Variants in TBC1D8 observed in about 807,000 individuals in gnomAD.
The protein encoded by TBC1D8 is BUB2-like protein 1.
Under a neutral mutation model 118.8 loss-of-function variants are expected in TBC1D8, and 65 were observed. That is an observed-to-expected ratio of 0.55 (90% CI 0.45 to 0.67). The LOEUF (loss-of-function observed/expected upper bound fraction) is 0.67, where lower values mean the gene tolerates loss of function less well. TBC1D8 is among the 30% of genes least tolerant of loss of function. TBC1D8 has a pLI of 0.00. For synonymous variants in TBC1D8, 566 were observed against 595.8 expected (o/e 0.95, Z 0.73); for missense variants, 1,376 against 1,471.2 (o/e 0.94, Z 1.06).
intron 1 of TBC1D8, among the ~76,000 whole-genome samples, chr2:101,101,270 T>C (rs1676811936): frequency 6.6e-6 from 1 of 152,200 alleles, no homozygotes; most frequent in Non-Finnish European, 1.5e-5. Flanking sequence ...AGAAGATATT[T>C]ACGCAGCCAA....
At chr2:101,024,969 A>C (rs1400622277) in intron 15 of TBC1D8, among the ~76,000 whole-genome samples, 1 of 152,194 alleles carries the variant, frequency 6.6e-6, no homozygotes, top group Non-Finnish European at 1.5e-5. Flanking sequence ...GTATGAGAAA[A>C]GATCTATAGA....
intron 3 of TBC1D8, among the ~76,000 whole-genome samples, chr2:101,055,312 C>T (rs945781918): frequency 6.6e-6 from 1 of 151,816 alleles, no homozygotes; most frequent in Non-Finnish European, 1.5e-5. Context: ...TCGCTTGAAC[C>T]CCGGAGGCAG....
intron 17 of TBC1D8, among the ~76,000 whole-genome samples, chr2:101,020,546 A>G (rs1327729377): frequency 1.3e-5 from 2 of 152,228 alleles, no homozygotes; most frequent in African/African-American, 4.8e-5. Context: ...CACTCAAGTC[A>G]TAATAGTGCA....
chr2:101,097,669 A>G (rs1034331836), intron 1 of TBC1D8, among the ~76,000 whole-genome samples: 2 of 152,212 alleles, frequency 1.3e-5, no homozygotes, highest in Non-Finnish European at 2.9e-5. Context: ...CCTGGGCAAC[A>G]AAGTGAAATC....
chr2:101,059,006 C>T (rs938952196), intron 3 of TBC1D8, among the ~76,000 whole-genome samples: 33 of 151,918 alleles, frequency 2.2e-4, no homozygotes, highest in African/African-American at 6.8e-4. Flanking sequence ...CCCGGGTTCA[C>T]GCCATTCTCT....
intron 1 of TBC1D8, among the ~76,000 whole-genome samples, chr2:101,121,624 G>A (rs1284813801): frequency 1.2e-4 from 19 of 152,220 alleles, no homozygotes; most frequent in Admixed American, 1.2e-3. Context: ...CCACCTTCAA[G>A]AAAAGGCCCC....
intron 4 of TBC1D8, 114 bp downstream of exon 4, chr2:101,053,994 C>A: frequency 1.1e-6 from 1 of 932,832 alleles, no homozygotes; most frequent in Non-Finnish European, 1.6e-6. Flanking sequence ...CTGGTGTCAT[C>A]TCCACCATTT....
intron 1 of TBC1D8, among the ~76,000 whole-genome samples, chr2:101,120,229 G>A (rs149874560): frequency 2.0e-5 from 3 of 152,270 alleles, no homozygotes; most frequent in African/African-American, 7.2e-5. Context: ...TGATCCTTCT[G>A]CCTCTTTGGC....
chr2:101,022,316 T>G lies in TBC1D8; in HGVS notation c.2726A>C (p.Gln909Pro), dbSNP rs201583665. 2.1e-4 allele frequency: 337 copies of G among 1,612,648 alleles called. 2 individuals are homozygous for G. The highest frequency in any genetic ancestry group is 2.4e-4 in the Non-Finnish European group (288 of 1,179,626). ...CACAAACGCTTTGAACTCGATGAGCTGGTCCATGTTGTCATCCAAGAGCCT... is the reference window on the plus strand; with the variant it reads ...CACAAACGCTTTGAACTCGATGAGCGGGTCCATGTTGTCATCCAAGAGCCT... ...TFRLLDDNMD[Q>P]LIEFKAFVSC... Residue 909 changes from glutamine (Q) to proline (P), a missense_variant, in exon 16 of 20, where the codon CAG (glutamine) becomes CCG (proline). Gln to Pro is a moderately conservative substitution (Grantham distance 76). Coordinates refer to ENST00000409318, the MANE Select transcript of TBC1D8 (RefSeq NM_001330348.2).
chr2:101,074,445 G>A (rs927496276), intron 2 of TBC1D8, among the ~76,000 whole-genome samples: 46 of 152,138 alleles, frequency 3.0e-4, no homozygotes, highest in Admixed American at 2.9e-3. Flanking sequence ...ACATTCCAAC[G>A]CTGTTGGAAA....
chr2:101,067,675 C>T (rs1238066058), intron 2 of TBC1D8, among the ~76,000 whole-genome samples: 7 of 152,158 alleles, frequency 4.6e-5, no homozygotes, highest in Non-Finnish European at 8.8e-5. Context: ...GCTGGAAGGT[C>T]TTGCCTTAAT....
At chr2:101,077,001 C>G (rs1411670926) in intron 2 of TBC1D8, among the ~76,000 whole-genome samples, 1 of 152,228 alleles carries the variant, frequency 6.6e-6, no homozygotes, top group East Asian at 1.9e-4. Context: ...AAGAGAGAGG[C>G]GGTAGTGCTA....
chr2:101,054,533 A>G (rs1682270325), intron 3 of TBC1D8, among the ~76,000 whole-genome samples, 197 bp from the exon 4 acceptor site: 1 of 151,722 alleles, frequency 6.6e-6, no homozygotes, highest in South Asian at 2.1e-4. Context: ...GCTGCAGCAG[A>G]AAAAAAAGGA....
intron 2 of TBC1D8, among the ~76,000 whole-genome samples, chr2:101,089,082 C>T (rs1345901817): frequency 6.6e-6 from 1 of 152,180 alleles, no homozygotes; most frequent in Non-Finnish European, 1.5e-5. Context: ...GGCGTGGTGG[C>T]TCATGCCTGT....
intron 2 of TBC1D8, among the ~76,000 whole-genome samples, chr2:101,077,623 T>C (rs1342745037): frequency 6.6e-6 from 1 of 152,152 alleles, no homozygotes; most frequent in African/African-American, 2.4e-5. Flanking sequence ...ATCAAGGGGA[T>C]GGTGCCAAGC....
chr2:101,060,567 A>G (rs762422203), intron 2 of TBC1D8, among the ~76,000 whole-genome samples: 8 of 152,218 alleles, frequency 5.3e-5, no homozygotes, highest in Non-Finnish European at 1.2e-4. Flanking sequence ...AGCATTAAGC[A>G]AAAAGCTTAG....
chr2:101,024,139 T>C (rs1055413268), intron 15 of TBC1D8: 2 of 152,190 alleles, frequency 1.3e-5, no homozygotes, highest in African/African-American at 4.8e-5. Flanking sequence ...AGGACAAATA[T>C]TAGTTTACAT....
chr2:101,096,642 G>A (rs1284169285), intron 1 of TBC1D8, among the ~76,000 whole-genome samples: 1 of 152,028 alleles, frequency 6.6e-6, no homozygotes, highest in Non-Finnish European at 1.5e-5. Flanking sequence ...GAATTAATAA[G>A]AAATCCTAGA....
intron 5 of TBC1D8, among the ~76,000 whole-genome samples, chr2:101,043,419 A>G (rs1268803553): frequency 3.9e-5 from 6 of 152,068 alleles, no homozygotes; most frequent in Admixed American, 6.6e-5. Context: ...AGTAAAATCA[A>G]CCCTTACTCC....
Sources: gnomAD v4.1 joint callset for allele counts (sites outside exome capture counted in the v4.1 genomes callset) on GRCh38, gnomAD v4.1.1 for gene constraint, MANE v1.5 for transcripts, NCBI Gene and HGNC (gene_info 2026-07-23, HGNC 2026-07-21) for gene names.